Variants in VLDLR observed in about 807,000 individuals in gnomAD.
VLDLR encodes the protein very low density lipoprotein receptor, also known as very low-density lipoprotein receptor.
VLDLR carries 81 observed loss-of-function variants against 112.7 expected under a neutral mutation model. That is an observed-to-expected ratio of 0.72 (90% confidence interval 0.60 to 0.86). The LOEUF (loss-of-function observed/expected upper bound fraction) is 0.86. VLDLR is among the 40% of genes least tolerant of loss of function. VLDLR has a pLI of 0.00. For synonymous variants in VLDLR, 436 were observed against 384.8 expected (o/e 1.13, Z -1.56); for missense variants, 1,237 against 1,099.4 (o/e 1.13, Z -1.77).
At position 2,633,057 on chromosome 9, in the gene VLDLR, T is replaced by C. The variant is rs980390877; in HGVS notation, c.83-2396T>C. Reference sequence around the variant, plus strand: ...GAGAGAGAGAGAGAGAGAGAGTGTGTGTGTGTGTGTGTGTGTGTGTGTGTG... The same window carrying C: ...GAGAGAGAGAGAGAGAGAGAGTGTGCGTGTGTGTGTGTGTGTGTGTGTGTG... On this transcript the variant is annotated intron_variant, in intron 1 of 18. Transcript: ENST00000382100. Among the ~76,000 whole-genome samples, 21 of 143,458 alleles carry C rather than the reference T, an allele frequency of 1.5e-4. 1 individual carries two copies. The highest frequency in any genetic ancestry group is 3.0e-4 in the Non-Finnish European group (20 of 66,044). 94.1% of individuals were successfully genotyped at this position (143,458 alleles called of 152,430 possible).
rs965977991 is a variant in VLDLR at position 2,622,198 on chromosome 9, G to T, written c.9G>T (p.Thr3=). 2 of 1,497,966 alleles carry T rather than the reference G, an allele frequency of 1.3e-6. No individual in the cohort carries two copies. Among genetic ancestry groups the T allele is most frequent in the African/African-American group, 1.4e-5 (1 of 69,404 alleles). The allele number at this position is 1,497,966 out of a possible 1,614,324, so 92.8% of individuals were successfully genotyped here. The change falls in exon 1 of 19, where the codon ACG becomes ACT. Residue 3 remains threonine, a synonymous_variant. Coordinates refer to ENST00000382100, the MANE Select transcript of VLDLR (RefSeq NM_003383.5). MG[T]SALWALWLLL... ...CCATCCAGGCGGGCACCATGGGCAC[G>T]TCCGCGCTCTGGGCGCTCTGGCTGC...
At chr9:2,650,674 G>C (rs922828080) in intron 15 of VLDLR, among the ~76,000 whole-genome samples, 158 bp downstream of exon 15, 1 of 152,148 alleles carries the variant, frequency 6.6e-6, no homozygotes, top group African/African-American at 2.4e-5. Flanking sequence ...CATTTCTTTA[G>C]AACTGACTTT....
chr9:2,638,551 C>CT (rs1817695333), intron 2 of VLDLR, among the ~76,000 whole-genome samples: 2 of 152,130 alleles, frequency 1.3e-5, no homozygotes, highest in African/African-American at 4.8e-5. Context: ...GAAAGATAAG[C>CT]TTAGGGTATC....
chr9:2,654,053 C>A lies in VLDLR; in HGVS notation c.*185C>A. On this transcript the variant is annotated 3_prime_UTR_variant, in exon 19 of 19. Coordinates refer to ENST00000382100, the MANE Select transcript of VLDLR (RefSeq NM_003383.5). ...TTACTTTTGTAAATATTCTTGTCCA[C>A]ATTCTACTTCAGCTTTGGATGTGGT... 2 of 608,452 alleles carry A rather than the reference C, an allele frequency of 3.3e-6. No homozygotes were observed. The highest frequency in any genetic ancestry group is 5.8e-6 in the Non-Finnish European group (2 of 344,218). 37.7% of individuals were successfully genotyped at this position (608,452 alleles called of 1,614,324 possible).
Position 2,650,509 on chromosome 9 carries a change from C to A in VLDLR, c.2244C>A (p.Asp748Glu). 6.2e-7 allele frequency: 1 copy of A among 1,613,608 alleles called. No individual in the cohort carries two copies. Among genetic ancestry groups the A allele is most frequent in the Non-Finnish European group, 8.5e-7 (1 of 1,179,990 alleles). Residue 748 changes from aspartate to glutamate, a missense_variant, in exon 15 of 19, where the codon GAC becomes GAA. Asp to Glu is a conservative substitution (Grantham distance 45, BLOSUM62 2). Coordinates refer to ENST00000382100, the MANE Select transcript of VLDLR (RefSeq NM_003383.5). ...ACAATGTAGAGGAAAATGGCCGAGA[C>A]TGTCAAAGTAAGGCATTTTGTGTTT... ...SGYNVEENGR[D>E]CQSTATTVTY...
rs1333725464 is a variant in VLDLR at position 2,659,453 on chromosome 9, T to C, written c.*5585T>C. 1.3e-5 allele frequency: 2 copies of C among 152,268 alleles called. No homozygotes were observed. Among genetic ancestry groups the C allele is most frequent in the Non-Finnish European group, 1.5e-5 (1 of 68,044 alleles). The allele number at this position is 152,268 out of a possible 1,614,324, so 9.4% of individuals were successfully genotyped here. A position where few individuals can be genotyped will look rare whatever the true frequency, so the allele number is the denominator to read the frequency against. ...CACAGATTAACTCAGTTACGTGTTA[T>C]ACCTTCAAGACGCTAGACATTCCAG... On this transcript the variant is annotated 3_prime_UTR_variant, in exon 19 of 19. Coordinates refer to ENST00000382100, the MANE Select transcript of VLDLR (RefSeq NM_003383.5).
intron 2 of VLDLR, among the ~76,000 whole-genome samples, chr9:2,638,923 T>C (rs1817714507): frequency 6.6e-6 from 1 of 152,188 alleles, no homozygotes; most frequent in Admixed American, 6.5e-5. Context: ...TCCCTTGAAT[T>C]CTAAGTACAA....
intron 1 of VLDLR, among the ~76,000 whole-genome samples, chr9:2,629,014 G>A (rs35092621): frequency 3.3e-5 from 5 of 152,340 alleles, no homozygotes; most frequent in Non-Finnish European, 7.3e-5. Flanking sequence ...CTTAACCTTA[G>A]TGCAGTGGTT....
rs552201362 is a variant in VLDLR, at chr9:2,658,843, T to G, written c.*4975T>G. ...GTACCTTTATCTATGATGAATGTAA[T>G]GTGTTAGATGGTGACCGAAGTGTTC... On this transcript the variant is annotated 3_prime_UTR_variant, in exon 19 of 19. Coordinates refer to ENST00000382100, the MANE Select transcript of VLDLR (RefSeq NM_003383.5). 6.6e-6 allele frequency: 1 copy of G among 152,330 alleles called. No individual in the cohort carries two copies. Among genetic ancestry groups the G allele is most frequent in the African/African-American group, 2.4e-5 (1 of 41,566 alleles). The allele number at this position is 152,330 out of a possible 1,614,324, so 9.4% of individuals were successfully genotyped here.
chr9:2,646,603 C>G (rs765822282), intron 11 of VLDLR, 51 bp downstream of exon 11: 1 of 1,539,666 alleles, frequency 6.5e-7, no homozygotes, highest in East Asian at 2.3e-5. Flanking sequence ...CTGTGTAGGT[C>G]AGGAGCTTTC....
intron 2 of VLDLR, among the ~76,000 whole-genome samples, chr9:2,637,723 C>A (rs893129130): frequency 6.6e-6 from 1 of 152,110 alleles, no homozygotes; most frequent in Admixed American, 6.6e-5. Context: ...AGGCGAATCA[C>A]GAGGTCAGGA....
rs1245308706 is a variant in VLDLR, at chr9:2,656,133, T to C, written c.*2265T>C. 6.6e-6 allele frequency: 1 copy of C among 152,180 alleles called. No individual in the cohort carries two copies. The highest frequency in any genetic ancestry group is 1.5e-5 in the Non-Finnish European group (1 of 68,036). 9.4% of individuals were successfully genotyped at this position (152,180 alleles called of 1,614,324 possible). ...TTGAATTCCTGTCCCTAGTATGTTCTTTCATGTTCTGGGTAAAATTTCCAA... is the reference window on the plus strand; with the variant it reads ...TTGAATTCCTGTCCCTAGTATGTTCCTTCATGTTCTGGGTAAAATTTCCAA... On this transcript the variant is annotated 3_prime_UTR_variant, in exon 19 of 19. Transcript: ENST00000382100.
At chr9:2,633,071 T>C (rs927572788) in intron 1 of VLDLR, among the ~76,000 whole-genome samples, 6 of 149,478 alleles carry the variant, frequency 4.0e-5, no homozygotes, top group African/African-American at 1.5e-4. Context: ...TGTGTGTGTG[T>C]GTGTGTGTGT....
At position 2,622,055 on chromosome 9, in the gene VLDLR, C is replaced by T; in HGVS notation, c.-135C>T. On this transcript the variant is annotated 5_prime_UTR_variant, in exon 1 of 19. Coordinates refer to ENST00000382100, the MANE Select transcript of VLDLR (RefSeq NM_003383.5). ...CTTCTTCCCCGCTCCCTTCCCCCGC[C>T]AACTCCTTCCCCTCCTTCTCCCCCT... 2 of 878,724 alleles carry T rather than the reference C, an allele frequency of 2.3e-6. No individual in the cohort carries two copies. The highest frequency in any genetic ancestry group is 3.3e-6 in the Non-Finnish European group (2 of 598,670). The allele number at this position is 878,724 out of a possible 1,614,324, so 54.4% of individuals were successfully genotyped here. A position where few individuals can be genotyped will look rare whatever the true frequency, so the allele number is the denominator to read the frequency against.
intron 2 of VLDLR, among the ~76,000 whole-genome samples, chr9:2,639,447 C>T (rs1384492500): frequency 6.6e-6 from 1 of 152,104 alleles, no homozygotes; most frequent in Admixed American, 6.5e-5. Context: ...ACATTCAGTC[C>T]CCAGCAAGCA....
chr9:2,642,677 T>G (rs1817880524), intron 4 of VLDLR, among the ~76,000 whole-genome samples: 1 of 152,202 alleles, frequency 6.6e-6, no homozygotes, highest in Admixed American at 6.5e-5. Flanking sequence ...TGATCCTTAT[T>G]TAAAGGACCA....
intron 4 of VLDLR, among the ~76,000 whole-genome samples, chr9:2,641,869 T>C (rs987456486): frequency 6.6e-6 from 1 of 152,070 alleles, no homozygotes; most frequent in African/African-American, 2.4e-5. Flanking sequence ...GGCAAACACA[T>C]TCATAGGTCT....
chr9:2,636,180 A>G (rs911127202), intron 2 of VLDLR, among the ~76,000 whole-genome samples: 7 of 152,214 alleles, frequency 4.6e-5, no homozygotes, highest in African/African-American at 7.2e-5. Flanking sequence ...ATGCCTATGT[A>G]TGCAATCTAT....
At chr9:2,646,958 C>G (rs763324351) in intron 11 of VLDLR, among the ~76,000 whole-genome samples, 7 of 152,212 alleles carry the variant, frequency 4.6e-5, no homozygotes, top group Non-Finnish European at 7.3e-5. Context: ...TGGGTAACCA[C>G]ATTGCATCTA....
Sources: allele counts gnomAD v4.1 joint callset (sites outside exome capture counted in the v4.1 genomes callset), GRCh38; gene constraint gnomAD v4.1.1; transcripts MANE v1.5; gene names NCBI Gene and HGNC (gene_info 2026-07-23, HGNC 2026-07-21).